KMT2E: variants seen among roughly 807,000 people sequenced by gnomAD.
KMT2E encodes histone reader KMT2E.
Under a neutral mutation model 184.6 loss-of-function variants are expected in KMT2E, and 30 were observed. The observed-to-expected ratio is 0.16, with a 90% CI of 0.12 to 0.22. The LOEUF is 0.22. Ranked by LOEUF, KMT2E falls within the 10% of genes least tolerant of loss-of-function variation. The pLI, the probability that KMT2E is intolerant of heterozygous loss-of-function variation, is 1.00. For missense variants in KMT2E, 2,023 were observed against 2,237.4 expected (o/e 0.90, Z 1.93); for synonymous variants, 815 against 776.5 (o/e 1.05, Z -0.82).
At chr7:105,099,062 T>G (rs1798542420) in intron 15 of KMT2E, among the ~76,000 whole-genome samples, 1 of 152,224 alleles carries the variant, frequency 6.6e-6, no homozygotes, top group Non-Finnish European at 1.5e-5. Context: ...AAGAATGTAC[T>G]GTATGTAATG....
intron 3 of KMT2E, among the ~76,000 whole-genome samples, chr7:105,043,791 A>G (rs1424970162): frequency 6.6e-6 from 1 of 152,172 alleles, no homozygotes; most frequent in Non-Finnish European, 1.5e-5. Flanking sequence ...AAGAATAGAA[A>G]TATTACGTAA....
chr7:105,036,400 C>G (rs1009209519), intron 1 of KMT2E, among the ~76,000 whole-genome samples: 1 of 151,956 alleles, frequency 6.6e-6, no homozygotes, highest in Non-Finnish European at 1.5e-5. Context: ...AATTCCTTAC[C>G]TCAGGTGACC....
intron 13 of KMT2E, among the ~76,000 whole-genome samples, chr7:105,087,128 A>G (rs545767932): frequency 1.4e-5 from 2 of 147,346 alleles, no homozygotes; most frequent in African/African-American, 4.9e-5. Flanking sequence ...TGTATGTGCT[A>G]ATGTATATTA....
rs775067046 is a variant in KMT2E, at chr7:105,111,999, C to G, written c.4243C>G (p.His1415Asp). The change falls in exon 27 of 27, where the codon CAT becomes GAT. Residue 1415 changes from histidine to aspartate, a missense_variant. His to Asp is a moderately conservative substitution (Grantham distance 81, BLOSUM62 -1). Transcript: ENST00000311117. ...SNNNQALSKN[H>D]PPQTHVRNSS... ...TAACAACCAAGCACTTTCAAAGAAT[C>G]ATCCTCCTCAGACACACGTTCGTAA... 1.9e-6 allele frequency: 3 copies of G among 1,614,190 alleles called. No individual in the cohort carries two copies. The highest frequency in any genetic ancestry group is 1.1e-5 in the South Asian group (1 of 91,074).
At chr7:105,096,184 G>C (rs1206012165) in intron 15 of KMT2E, among the ~76,000 whole-genome samples, 1 of 139,362 alleles carries the variant, frequency 7.2e-6, no homozygotes, top group Non-Finnish European at 1.5e-5. Context: ...GAACCCAGAA[G>C]AGGAGGCTGC....
chr7:105,014,426 T>C lies in KMT2E; in HGVS notation c.-298T>C, dbSNP rs1368200722. ...AGGGGGTGTGTGGAGCCGGGTCCTG[T>C]GTCCGCAGTGGCTGCTGTCGGGGGG... On this transcript the variant is annotated 5_prime_UTR_variant, in exon 1 of 27. Transcript: ENST00000311117. 4 of 153,394 alleles carry C rather than the reference T, an allele frequency of 2.6e-5. No homozygotes were observed. The highest frequency in any genetic ancestry group is 5.8e-5 in the Non-Finnish European group (4 of 68,822). 9.5% of individuals were successfully genotyped at this position (153,394 alleles called of 1,614,324 possible). A position where few individuals can be genotyped will look rare whatever the true frequency, so the allele number is the denominator to read the frequency against.
intron 23 of KMT2E, among the ~76,000 whole-genome samples, chr7:105,109,635 C>A (rs1799097792): frequency 6.6e-6 from 1 of 152,108 alleles, no homozygotes; most frequent in Admixed American, 6.6e-5. Flanking sequence ...GGTCCCCTTT[C>A]CACCTGAAAG....
chr7:105,063,615 G>A, intron 5 of KMT2E, 35 bp downstream of exon 5: 1 of 1,356,942 alleles, frequency 7.4e-7, no homozygotes, highest in Non-Finnish European at 1.0e-6. Flanking sequence ...TATTTTTCTT[G>A]AATGCTGATA....
At chr7:105,088,786 G>C (rs182928830) in intron 13 of KMT2E, among the ~76,000 whole-genome samples, 11 of 152,284 alleles carry the variant, frequency 7.2e-5, no homozygotes, top group Non-Finnish European at 1.6e-4. Flanking sequence ...CTTGTAAAAT[G>C]GGGGCAATAT....
At chr7:105,017,266 G>C (rs1794754305) in intron 1 of KMT2E, among the ~76,000 whole-genome samples, 1 of 152,158 alleles carries the variant, frequency 6.6e-6, no homozygotes, top group African/African-American at 2.4e-5. Context: ...GTCAGGTCTA[G>C]ACAGACAAAG....
At chr7:105,101,841 A>G in intron 16 of KMT2E, 45 bp from the exon 17 acceptor site, 2 of 1,402,718 alleles carry the variant, frequency 1.4e-6, no homozygotes, top group Non-Finnish European at 1.9e-6. Flanking sequence ...TAAACTTTAT[A>G]TATATGTAGT....
At chr7:105,019,321 TTCCCTCATGAACA>T (rs1475891709) in intron 1 of KMT2E, among the ~76,000 whole-genome samples, 1 of 152,228 alleles carries the variant, frequency 6.6e-6, no homozygotes, top group Non-Finnish European at 1.5e-5. Context: ...AGTTCTTTTT[TTCCCTCATGAACA>T]GCTCATAATT....
intron 5 of KMT2E, chr7:105,064,163 G>GTTTTTT: frequency 9.7e-6 from 1 of 103,198 alleles, no homozygotes; most frequent in South Asian, 1.4e-4. Flanking sequence ...TTTTTTTCTT[G>GTTTTTT]GTTTTTTTTT....
intron 3 of KMT2E, among the ~76,000 whole-genome samples, chr7:105,050,600 T>C (rs1796288105): frequency 6.6e-6 from 1 of 152,222 alleles, no homozygotes; most frequent in Admixed American, 6.5e-5. Flanking sequence ...TATTGTTTTT[T>C]AGGCTCATCT....
chr7:105,024,181 A>G (rs1158833895), intron 1 of KMT2E, among the ~76,000 whole-genome samples: 1 of 152,224 alleles, frequency 6.6e-6, no homozygotes, highest in Non-Finnish European at 1.5e-5. Flanking sequence ...TTCTGAGAAA[A>G]TTAAGATAAT....
intron 15 of KMT2E, among the ~76,000 whole-genome samples, chr7:105,096,985 G>C (rs1204094625): frequency 6.6e-6 from 1 of 152,154 alleles, no homozygotes; most frequent in Admixed American, 6.5e-5. Context: ...TTAAAAACTT[G>C]ACACAATTGT....
chr7:105,073,873 T>C (rs896334482), intron 7 of KMT2E, among the ~76,000 whole-genome samples, 196 bp downstream of exon 7: 4 of 152,080 alleles, frequency 2.6e-5, no homozygotes, highest in African/African-American at 4.8e-5. Flanking sequence ...AGAATAAATA[T>C]GTACTTTGGG....
At chr7:105,090,932 T>C (rs1798176925) in intron 14 of KMT2E, among the ~76,000 whole-genome samples, 1 of 152,210 alleles carries the variant, frequency 6.6e-6, no homozygotes, top group Non-Finnish European at 1.5e-5. Flanking sequence ...AAATAATTTA[T>C]ATGTTTATGT....
intron 3 of KMT2E, among the ~76,000 whole-genome samples, chr7:105,045,626 A>G (rs1389876449): frequency 6.6e-6 from 1 of 152,204 alleles, no homozygotes. Flanking sequence ...CCAGAATTCC[A>G]TTCCTTTTTA....
Sources: allele counts gnomAD v4.1 joint callset (sites outside exome capture counted in the v4.1 genomes callset), GRCh38; gene constraint gnomAD v4.1.1; transcripts MANE v1.5; gene names NCBI Gene and HGNC (gene_info 2026-07-23, HGNC 2026-07-21).